KIF13A: variants seen among roughly 807,000 people sequenced by gnomAD.
The protein encoded by KIF13A is kinesin-like protein KIF13A.
Under a neutral mutation model 212.2 loss-of-function variants are expected in KIF13A, and 79 were observed. The ratio of observed to expected loss-of-function variants is 0.37; its 90% CI spans 0.31 to 0.45. The LOEUF (loss-of-function observed/expected upper bound fraction) is 0.45, where lower values mean the gene tolerates loss of function less well. Ranked by LOEUF, KIF13A falls within the 20% of genes least tolerant of loss-of-function variation. The pLI is 1.00. For synonymous variants in KIF13A, 789 were observed against 808.6 expected, an observed-to-expected ratio of 0.98 and a Z score of 0.41; for missense variants, 1,901 against 2,209.0, an observed-to-expected ratio of 0.86 and a Z score of 2.79.
At position 17,773,607 on chromosome 6, in the gene KIF13A, A is replaced by C. The variant is rs780376033; in HGVS notation, c.4219-24T>G. 45 of 1,380,112 alleles carry C rather than the reference A, an allele frequency of 3.3e-5. 1 individual carries two copies. Among genetic ancestry groups the C allele is most frequent in the Non-Finnish European group, 4.6e-5 (45 of 975,678 alleles). 85.5% of individuals were successfully genotyped at this position (1,380,112 alleles called of 1,614,324 possible). On this transcript the variant is annotated intron_variant, in intron 35 of 38. Transcript: ENST00000259711. The surrounding 1 kb of genome is among the most constrained non-coding windows in gnomAD (Gnocchi z 4.2). Reference sequence around the variant, plus strand: ...CCCTACAAGGTAAAAATATGGGTTAACTGTAATTGAATCACTCCAAAATAA... The same window carrying C: ...CCCTACAAGGTAAAAATATGGGTTACCTGTAATTGAATCACTCCAAAATAA...
chr6:17,954,594 A>T (rs763205097), intron 2 of KIF13A, among the ~76,000 whole-genome samples: 1 of 152,152 alleles, frequency 6.6e-6, no homozygotes, highest in Non-Finnish European at 1.5e-5. Flanking sequence ...TTTCAATATT[A>T]TATCTTCCTT....
chr6:17,903,191 A>G (rs909750722), intron 2 of KIF13A, among the ~76,000 whole-genome samples: 49 of 152,248 alleles, frequency 3.2e-4, no homozygotes, highest in African/African-American at 1.1e-3. Flanking sequence ...GCTGCTGAAC[A>G]CAGTTAAATA....
chr6:17,789,683 T>C lies in KIF13A; in HGVS notation c.3261+189A>G, dbSNP rs560243679. On this transcript the variant is annotated intron_variant, in intron 26 of 38. Transcript: ENST00000259711. The surrounding 1 kb of genome is among the most constrained non-coding windows in gnomAD (Gnocchi z 4.8). ...AAAAGGCAATATTTAGTTATAAATT[T>C]TGAACTGACAAGGCATCTATAGAAA... Among the ~76,000 whole-genome samples, 181 of 152,350 alleles carry C rather than the reference T, an allele frequency of 1.2e-3. No homozygotes were observed. Among genetic ancestry groups the C allele is most frequent in the African/African-American group, 4.3e-3 (177 of 41,580 alleles).
chr6:17,838,520 A>T lies in KIF13A; in HGVS notation c.831-937T>A, dbSNP rs1766197114. On this transcript the variant is annotated intron_variant, in intron 9 of 38. Coordinates refer to ENST00000259711, the MANE Select transcript of KIF13A (RefSeq NM_022113.6). The surrounding 1 kb of genome is among the most constrained non-coding windows in gnomAD (Gnocchi z 4.2). ...AGTCCCCGAAATATAATATAAACTCAAGATTCAGAAAATGAACCAGAATTC... is the reference window on the plus strand; with the variant it reads ...AGTCCCCGAAATATAATATAAACTCTAGATTCAGAAAATGAACCAGAATTC... 6.6e-6 allele frequency among the ~76,000 whole-genome samples: 1 copy of T among 152,160 alleles called. No individual in the cohort carries two copies. The highest frequency in any genetic ancestry group is 2.4e-5 in the African/African-American group (1 of 41,440).
rs956535278 is a variant in KIF13A, at chr6:17,982,429, G to T, written c.146+4625C>A. ...ATTTGGAGCATTTTAGATTTCAGAT[G>T]TTCAGACAGGGATACCGCTGGTGAA... On this transcript the variant is annotated intron_variant, in intron 2 of 38. Coordinates refer to ENST00000259711, the MANE Select transcript of KIF13A (RefSeq NM_022113.6). This position sits in a 1 kb window ranked among gnomAD's most constrained non-coding sequence, Gnocchi z 5.1. 3.0e-6 allele frequency: 3 copies of T among 984,598 alleles called. No homozygotes were observed. In the South Asian group the frequency reaches 1.4e-4, roughly 46 times the overall value. 61.0% of individuals were successfully genotyped at this position (984,598 alleles called of 1,614,324 possible).
intron 16 of KIF13A, among the ~76,000 whole-genome samples, chr6:17,823,498 C>T (rs1764660976): frequency 6.8e-6 from 1 of 147,854 alleles, no homozygotes; most frequent in African/African-American, 2.5e-5. Context: ...AACAGACTCT[C>T]GCTCTGTTGC....
chr6:17,803,076 G>A (rs1374494055), intron 20 of KIF13A, among the ~76,000 whole-genome samples: 4 of 151,884 alleles, frequency 2.6e-5, no homozygotes. Flanking sequence ...TGGGACTACA[G>A]GTGCCCGCCA....
At position 17,967,888 on chromosome 6, in the gene KIF13A, T is replaced by C. The variant is rs1405825009; in HGVS notation, c.146+19166A>G. On this transcript the variant is annotated intron_variant, in intron 2 of 38. Transcript: ENST00000259711. The surrounding 1 kb of genome is among the most constrained non-coding windows in gnomAD (Gnocchi z 4.1). ...GTAAAAGCTTACTTAATAAAGTCTG[T>C]GAAGGTCTTAATAAATGCTTAATAA... Among the ~76,000 whole-genome samples, 1 of 152,222 alleles carries C rather than the reference T, an allele frequency of 6.6e-6. No homozygotes were observed. Among genetic ancestry groups the C allele is most frequent in the African/African-American group, 2.4e-5 (1 of 41,464 alleles).
Position 17,789,002 on chromosome 6 carries a change from C to T in KIF13A, c.3261+870G>A, listed in dbSNP as rs913820755. 2.6e-5 allele frequency among the ~76,000 whole-genome samples: 4 copies of T among 152,274 alleles called. No homozygotes were observed. Among genetic ancestry groups the T allele is most frequent in the East Asian group, 1.9e-4 (1 of 5,186 alleles). On this transcript the variant is annotated intron_variant, in intron 26 of 38. Transcript: ENST00000259711. This position sits in a 1 kb window ranked among gnomAD's most constrained non-coding sequence, Gnocchi z 4.8. ...CCTCCCAAAGTGCTGGGATTACAGG[C>T]GTGAGCCACCACGCCCAGCCACTGT...
chr6:17,951,481 T>C lies in KIF13A; in HGVS notation c.146+35573A>G. 2.1e-6 allele frequency: 1 copy of C among 486,088 alleles called. No individual in the cohort carries two copies. 30.1% of individuals were successfully genotyped at this position (486,088 alleles called of 1,614,324 possible). On this transcript the variant is annotated intron_variant, in intron 2 of 38. Coordinates refer to ENST00000259711, the MANE Select transcript of KIF13A (RefSeq NM_022113.6). The surrounding 1 kb of genome is among the most constrained non-coding windows in gnomAD (Gnocchi z 4.9). Reference sequence around the variant, plus strand: ...GCTTTAAGATATAATTTATATACCATACAATTTACCCACTAAAAGTGTCCA... The same window carrying C: ...GCTTTAAGATATAATTTATATACCACACAATTTACCCACTAAAAGTGTCCA...
chr6:17,901,333 T>C (rs530287871), intron 2 of KIF13A, among the ~76,000 whole-genome samples: 31 of 152,230 alleles, frequency 2.0e-4, no homozygotes, highest in Admixed American at 1.5e-3. Flanking sequence ...AAATGTGATA[T>C]TACAATGTAA....
chr6:17,927,564 T>C (rs750651675), intron 2 of KIF13A, among the ~76,000 whole-genome samples: 3 of 152,158 alleles, frequency 2.0e-5, no homozygotes, highest in Admixed American at 6.5e-5. Flanking sequence ...CTGTTTGGGA[T>C]GATGAAGAAG....
chr6:17,858,145 G>C (rs1163190642), intron 4 of KIF13A, among the ~76,000 whole-genome samples: 5 of 150,440 alleles, frequency 3.3e-5, no homozygotes, highest in African/African-American at 7.3e-5. Context: ...GTGTGTGAGA[G>C]AGAGAGATCT....
chr6:17,790,276 G>A (rs1761423100), intron 25 of KIF13A, among the ~76,000 whole-genome samples: 2 of 152,112 alleles, frequency 1.3e-5, no homozygotes, highest in African/African-American at 4.8e-5. Flanking sequence ...TTGGTAGTGT[G>A]CAACTGTATT....
rs112430238 is a variant in KIF13A, at chr6:17,903,117, T to C, written c.147-4937A>G. Reference sequence around the variant, plus strand: ...ACCAGCATTTCACAAGCATAGAAATTGAACGGGATGTTAACAAAGGTCAAG... The same window carrying C: ...ACCAGCATTTCACAAGCATAGAAATCGAACGGGATGTTAACAAAGGTCAAG... On this transcript the variant is annotated intron_variant, in intron 2 of 38. Coordinates refer to ENST00000259711, the MANE Select transcript of KIF13A (RefSeq NM_022113.6). Among the ~76,000 whole-genome samples, 1,061 of 152,312 alleles carry C rather than the reference T, an allele frequency of 7.0e-3. 15 individuals are homozygous for C. Among genetic ancestry groups the C allele is most frequent in the African/African-American group, 0.024 (998 of 41,562 alleles).
Position 17,849,457 on chromosome 6 carries a change from C to T in KIF13A, c.750G>A (p.Leu250=), listed in dbSNP as rs763296260. ...CTCTTTCGCTACCCGCCAGGTCTAC[C>T]AAGCTGACCTTACTGACTTTCTCCC... ...NSGEKVSKVS[L]VDLAGSERVS... is the part of the protein sequence containing the mutation. Residue 250 remains leucine, a synonymous_variant, in exon 9 of 39, where the codon TTG becomes TTA. Transcript: ENST00000259711. This position sits in a 1 kb window ranked among gnomAD's most constrained non-coding sequence, Gnocchi z 5.7. 6 of 1,613,692 alleles carry T rather than the reference C, an allele frequency of 3.7e-6. No individual in the cohort carries two copies. In the South Asian group the frequency reaches 6.6e-5, roughly 18 times the overall value.
chr6:17,809,035 G>A lies in KIF13A; in HGVS notation c.2001-105C>T, dbSNP rs1435694634. On this transcript the variant is annotated intron_variant, in intron 17 of 38. Coordinates refer to ENST00000259711, the MANE Select transcript of KIF13A (RefSeq NM_022113.6). The surrounding 1 kb of genome is among the most constrained non-coding windows in gnomAD (Gnocchi z 4.7). ...AATGGGAGAAAACTCCTCTCGGGCA[G>A]TATTTTTCAAACTATTTTACCAGAC... 1.5e-5 allele frequency: 16 copies of A among 1,080,134 alleles called. No homozygotes were observed. Among genetic ancestry groups the A allele is most frequent in the Non-Finnish European group, 2.1e-5 (16 of 778,326 alleles). The allele number at this position is 1,080,134 out of a possible 1,614,324, so 66.9% of individuals were successfully genotyped here. A position where few individuals can be genotyped will look rare whatever the true frequency, so the allele number is the denominator to read the frequency against.
In KIF13A at chr6:17,968,020, G is replaced by A. The variant is rs559174360; in HGVS notation, c.146+19034C>T. 6.6e-6 allele frequency among the ~76,000 whole-genome samples: 1 copy of A among 152,218 alleles called. No homozygotes were observed. The highest frequency in any genetic ancestry group is 2.4e-5 in the African/African-American group (1 of 41,528). Reference sequence around the variant, plus strand: ...TCCATTCCAATGTACATTCTTGGACGGCATACTGAGAATTGCCCACAATGC... The same window carrying A: ...TCCATTCCAATGTACATTCTTGGACAGCATACTGAGAATTGCCCACAATGC... On this transcript the variant is annotated intron_variant, in intron 2 of 38. Coordinates refer to ENST00000259711, the MANE Select transcript of KIF13A (RefSeq NM_022113.6). The surrounding 1 kb of genome is among the most constrained non-coding windows in gnomAD (Gnocchi z 4.7).
Position 17,987,483 on chromosome 6 carries a change from C to T in KIF13A, c.-20G>A. On this transcript the variant is annotated 5_prime_UTR_variant, in exon 1 of 39. Transcript: ENST00000259711. This position sits in a 1 kb window ranked among gnomAD's most constrained non-coding sequence, Gnocchi z 7.7. Reference sequence around the variant, plus strand: ...CGACATGTTGGCTGCGCTCGCCCGGCCGCTCGCCGCGCCCGCTCGGCCTTA... The same window carrying T: ...CGACATGTTGGCTGCGCTCGCCCGGTCGCTCGCCGCGCCCGCTCGGCCTTA... 8.0e-7 allele frequency: 1 copy of T among 1,243,796 alleles called. No individual in the cohort carries two copies. The allele number at this position is 1,243,796 out of a possible 1,614,324, so 77.0% of individuals were successfully genotyped here.
Sources: allele counts gnomAD v4.1 joint callset (sites outside exome capture counted in the v4.1 genomes callset), GRCh38; gene constraint gnomAD v4.1.1; non-coding constraint Gnocchi (gnomAD v3.1); transcripts MANE v1.5; gene names NCBI Gene and HGNC (gene_info 2026-07-23, HGNC 2026-07-21).